Variants in DDX19A observed in about 807,000 individuals in gnomAD.
DDX19A encodes ATP-dependent RNA helicase DDX19A.
A neutral mutation model predicts 60.6 loss-of-function variants in DDX19A; 12 were observed. That is an observed-to-expected ratio of 0.20 (90% CI 0.13 to 0.32). DDX19A has a LOEUF of 0.32. Among genes scored for constraint, DDX19A ranks in the 10% least tolerant of loss-of-function variants. The pLI is 1.00. For missense variants in DDX19A, 337 were observed against 600.6 expected, an observed-to-expected ratio of 0.56 and a Z score of 4.59; for synonymous variants, 206 against 218.2, an observed-to-expected ratio of 0.94 and a Z score of 0.49.
At position 70,372,165 on chromosome 16, in the gene DDX19A, A is replaced by G. The variant is rs2047283581; in HGVS notation, c.*179A>G. On this transcript the variant is annotated 3_prime_UTR_variant, in exon 12 of 12. Transcript: ENST00000302243. ...AAATAGGTGCAAATGATGGGGGGCA[A>G]TAGAAGAAAAAATTTGCATTTTGGA... 9.4e-7 allele frequency: 1 copy of G among 1,061,022 alleles called. No homozygotes were observed. The allele number at this position is 1,061,022 out of a possible 1,614,324, so 65.7% of individuals were successfully genotyped here. A position where few individuals can be genotyped will look rare whatever the true frequency, so the allele number is the denominator to read the frequency against.
intron 9 of DDX19A, among the ~76,000 whole-genome samples, chr16:70,367,876 CAAAA>C (rs1205996596): frequency 4.1e-5 from 4 of 97,286 alleles, no homozygotes; most frequent in Non-Finnish European, 4.3e-5. Context: ...GACTCCGTCT[CAAAA>C]AAAAAAAAAA....
chr16:70,360,397 T>C (rs1964332881), intron 4 of DDX19A, among the ~76,000 whole-genome samples: 1 of 150,962 alleles, frequency 6.6e-6, no homozygotes, highest in East Asian at 1.9e-4. Flanking sequence ...CATGGCTCGC[T>C]ATAGTCTCTA....
chr16:70,348,066 AAT>A, intron 1 of DDX19A: 1 of 405,662 alleles, frequency 2.5e-6, no homozygotes, highest in South Asian at 1.7e-5. Context: ...CAGAGAACAG[AAT>A]ATGTTAGAAG....
chr16:70,348,258 A>G (rs1047287058), intron 1 of DDX19A, among the ~76,000 whole-genome samples: 6 of 152,088 alleles, frequency 3.9e-5, no homozygotes, highest in South Asian at 4.1e-4. Flanking sequence ...TCTGTTTTCA[A>G]CCTGGATCCT....
intron 5 of DDX19A, among the ~76,000 whole-genome samples, chr16:70,362,000 G>A (rs1004885850): frequency 6.6e-6 from 1 of 151,100 alleles, no homozygotes; most frequent in African/African-American, 2.4e-5. Flanking sequence ...GTGAAACCCC[G>A]TCTTACTAAA....
chr16:70,365,618 TA>T (rs879832231), intron 7 of DDX19A: 9,167 of 171,506 alleles, frequency 0.053, 7 homozygotes, highest in South Asian at 0.13. Flanking sequence ...AGACAAAAAA[TA>T]AAAAAAAAAA....
chr16:70,364,947 C>T (rs1159707702), intron 6 of DDX19A, 70 bp from the exon 7 acceptor site: 1 of 1,170,516 alleles, frequency 8.5e-7, no homozygotes, highest in Non-Finnish European at 1.3e-6. Flanking sequence ...ATAACATCAG[C>T]ATACTGGGTG....
intron 4 of DDX19A, among the ~76,000 whole-genome samples, chr16:70,359,396 G>A (rs1310493161): frequency 3.3e-5 from 5 of 152,180 alleles, no homozygotes; most frequent in Non-Finnish European, 5.9e-5. Flanking sequence ...TAGAGAGCCT[G>A]CTAAACTCCA....
chr16:70,347,643 C>G (rs1417538023), intron 1 of DDX19A, among the ~76,000 whole-genome samples: 1 of 152,166 alleles, frequency 6.6e-6, no homozygotes, highest in East Asian at 1.9e-4. Flanking sequence ...TATCTAAGAC[C>G]TAAACTTTAG....
At chr16:70,368,059 C>G (rs562182490) in intron 9 of DDX19A, among the ~76,000 whole-genome samples, 6 of 152,154 alleles carry the variant, frequency 3.9e-5, no homozygotes, top group African/African-American at 1.4e-4. Context: ...CACCTGTAGT[C>G]TCAGCTACTC....
intron 9 of DDX19A, among the ~76,000 whole-genome samples, chr16:70,369,099 T>G (rs1001437346): frequency 6.6e-6 from 1 of 151,318 alleles, no homozygotes; most frequent in Non-Finnish European, 1.5e-5. Flanking sequence ...ACTTCTGACC[T>G]CAGGTGATCC....
chr16:70,361,577 T>G (rs771811582), intron 5 of DDX19A, 67 bp downstream of exon 5: 1 of 1,338,214 alleles, frequency 7.5e-7, no homozygotes, highest in Non-Finnish European at 1.1e-6. Context: ...ACTGCGTTTT[T>G]GTGCCTGAGA....
intron 10 of DDX19A, 56 bp from the exon 11 acceptor site, chr16:70,371,316 A>C: frequency 6.2e-7 from 1 of 1,614,114 alleles, no homozygotes; most frequent in Non-Finnish European, 8.5e-7. Context: ...TATGGATGAC[A>C]GTGATTTCTG....
intron 4 of DDX19A, chr16:70,356,775 T>C (rs1419903350): frequency 2.6e-6 from 2 of 783,214 alleles, no homozygotes; most frequent in Non-Finnish European, 3.6e-6. Context: ...TCCTGTTCTC[T>C]TGGTAGGAAT....
rs912840792 is a variant in DDX19A at position 70,370,419 on chromosome 16, G to A, written c.1183+34G>A. The A allele has an allele frequency of 4.4e-6, 7 of 1,597,210 alleles. No homozygotes were observed. The Admixed American group carries it at 7.1e-5, about 16-fold the overall frequency. On this transcript the variant is annotated intron_variant, in intron 10 of 11. Coordinates refer to ENST00000302243, the MANE Select transcript of DDX19A (RefSeq NM_018332.5). ...AGGACGTGTCCCACCTGGTCTGCCA[G>A]GCTCGGGGTCCCAGGCCCAATTAGA...
chr16:70,365,343 A>C (rs74672881), intron 7 of DDX19A: 3 of 383,970 alleles, frequency 7.8e-6, no homozygotes, highest in Non-Finnish European at 1.4e-5. Flanking sequence ...AAAAAAAAAA[A>C]TCCACGCATG....
At chr16:70,367,598 C>T (rs921177082) in intron 9 of DDX19A, among the ~76,000 whole-genome samples, 1 of 152,010 alleles carries the variant, frequency 6.6e-6, no homozygotes, top group African/African-American at 2.4e-5. Context: ...AAAGAGACAC[C>T]GGAGCACGGT....
intron 9 of DDX19A, among the ~76,000 whole-genome samples, chr16:70,367,137 T>G (rs888061327): frequency 2.0e-5 from 3 of 151,956 alleles, no homozygotes; most frequent in Non-Finnish European, 4.4e-5. Context: ...AATAAAAAAT[T>G]CAACAAGATG....
intron 5 of DDX19A, 88 bp from the exon 6 acceptor site, chr16:70,364,455 G>A: frequency 2.0e-6 from 2 of 1,011,614 alleles, no homozygotes; most frequent in East Asian, 2.4e-5. Context: ...CACGAAGGGG[G>A]AAATATGCCT....
Sources: allele counts gnomAD v4.1 joint callset (sites outside exome capture counted in the v4.1 genomes callset), GRCh38; gene constraint gnomAD v4.1.1; transcripts MANE v1.5; gene names NCBI Gene and HGNC (gene_info 2026-07-23, HGNC 2026-07-21).